The following PARP16 variants were observed in gnomAD, a reference collection of about 807,000 sequenced individuals.
PARP16 encodes the protein poly(ADP-ribose) polymerase family member 16, also known as protein mono-ADP-ribosyltransferase PARP16.
A neutral mutation model predicts 35.0 loss-of-function variants in PARP16; 31 were observed. That is an observed-to-expected ratio of 0.88 (90% confidence interval 0.66 to 1.19). The LOEUF is 1.19. Among genes scored for constraint, PARP16 ranks in the 50% most tolerant of loss-of-function variants. PARP16 has a pLI of 0.00. For missense variants in PARP16, 424 were observed against 411.2 expected (o/e 1.03, Z -0.27); for synonymous variants, 162 against 169.5 (o/e 0.96, Z 0.34).
intron 3 of PARP16, among the ~76,000 whole-genome samples, chr15:65,240,323 AGTGTGTGTGTGTGT>A (rs34811236): frequency 3.6e-3 from 460 of 126,126 alleles, no homozygotes; most frequent in Non-Finnish European, 5.1e-3. Context: ...GGGGGGGGCT[AGTGTGTGTGTGTGT>A]GTGTGTGTGT....
rs1175173491 is a variant in PARP16, at chr15:65,266,783, G to C, written c.313-15C>G. The C allele has an allele frequency of 6.3e-7, 1 of 1,598,398 alleles. No homozygotes were observed. Among genetic ancestry groups the C allele is most frequent in the African/African-American group, 1.3e-5 (1 of 74,560 alleles). On this transcript the variant is annotated splice_polypyrimidine_tract_variant and intron_variant, in intron 2 of 5. Transcript: ENST00000649807. ...ATCTTTTCAAACTTGAAAACATGAAGAGCATCAAAATTTTATTTGGGGAGC... is the reference window on the plus strand; with the variant it reads ...ATCTTTTCAAACTTGAAAACATGAACAGCATCAAAATTTTATTTGGGGAGC...
At chr15:65,260,621 G>A (rs1000170573) in intron 5 of PARP16, among the ~76,000 whole-genome samples, 6 of 152,120 alleles carry the variant, frequency 3.9e-5, no homozygotes, top group African/African-American at 1.4e-4. Flanking sequence ...CACTGTTTGC[G>A]GCAGCCAATT....
At chr15:65,239,452 A>AAAAAAAAAAAAAAAAAAAAAGAG (rs34910178) in intron 3 of PARP16, among the ~76,000 whole-genome samples, 1 of 113,038 alleles carries the variant, frequency 8.8e-6, no homozygotes, top group Non-Finnish European at 1.9e-5. Flanking sequence ...AAAAAAAAAA[A>AAAAAAAAAAAAAAAAAAAAAGAG]AGAGAGAAAA....
chr15:65,242,770 A>G (rs1363434221), intron 3 of PARP16, among the ~76,000 whole-genome samples: 1 of 152,112 alleles, frequency 6.6e-6, no homozygotes, highest in Non-Finnish European at 1.5e-5. Flanking sequence ...GCTGGAGTGC[A>G]GTGGCATGAT....
downstream of PARP16, among the ~76,000 whole-genome samples, chr15:65,257,620 ACT>A (rs2089555051): frequency 1.7e-5 from 2 of 120,758 alleles, no homozygotes; most frequent in Non-Finnish European, 3.4e-5. Context: ...ACAGAGCAAG[ACT>A]CTGTCTCAAA....
At chr15:65,278,672 T>C (rs1447360990) in intron 1 of PARP16, among the ~76,000 whole-genome samples, 1 of 152,088 alleles carries the variant, frequency 6.6e-6, no homozygotes, top group Non-Finnish European at 1.5e-5. Context: ...ATTACAGATG[T>C]GGGTACAAGT....
chr15:65,279,022 C>T (rs914593906), intron 1 of PARP16, among the ~76,000 whole-genome samples: 1 of 152,088 alleles, frequency 6.6e-6, no homozygotes, highest in African/African-American at 2.4e-5. Flanking sequence ...CCAGATTTGC[C>T]AAAACAGATT....
chr15:65,240,170 G>C (rs906748177), intron 3 of PARP16, among the ~76,000 whole-genome samples: 2 of 151,298 alleles, frequency 1.3e-5, no homozygotes, highest in Non-Finnish European at 2.9e-5. Context: ...TTGAGACAGA[G>C]TCTCGCTCTG....
In PARP16 at chr15:65,235,723, C is replaced by T. The variant is rs192561267; in HGVS notation, c.*98-900G>A. On this transcript the variant is annotated intron_variant and NMD_transcript_variant, in intron 3 of 3. Transcript: ENST00000559805. ...ACTCAGGAGGCTGAGGTGGGAGGAT[C>T]GCCTGAGCCTGGAGTCGAGGGGGCA... 1.8e-3 allele frequency among the ~76,000 whole-genome samples: 272 copies of T among 150,964 alleles called. 1 individual carries two copies. The highest frequency in any genetic ancestry group is 6.4e-3 in the African/African-American group (262 of 41,136).
Position 65,286,256 on chromosome 15 carries a change from G to C in PARP16, c.171C>G (p.Ala57=). 1.3e-6 allele frequency: 2 copies of C among 1,576,874 alleles called. No homozygotes were observed. The highest frequency in any genetic ancestry group is 1.7e-6 in the Non-Finnish European group (2 of 1,164,680). ...YARGDCKDFE[A]LLADASKLPN... ...CGCCAGGACAAAGCACACTCACCAG[G>C]GCTTCAAAGTCCTTACAGTCGCCGC... The change falls in exon 1 of 6, where the codon GCC becomes GCG. Residue 57 remains alanine, a synonymous_variant. Coordinates refer to ENST00000649807, the MANE Select transcript of PARP16 (RefSeq NM_001316943.2).
intron 3 of PARP16, among the ~76,000 whole-genome samples, chr15:65,263,996 ATAAAAAT>A (rs890767523): frequency 5.9e-5 from 9 of 152,206 alleles, no homozygotes; most frequent in Non-Finnish European, 1.2e-4. Flanking sequence ...AAATAAAAAC[ATAAAAAT>A]TAAAAATAAT....
downstream of PARP16, among the ~76,000 whole-genome samples, chr15:65,256,069 G>A (rs1046100960): frequency 3.9e-5 from 6 of 152,194 alleles, no homozygotes; most frequent in African/African-American, 1.4e-4. Flanking sequence ...TATAACCGTG[G>A]TTTCTCAGCA....
chr15:65,253,875 T>C (rs2089428661), downstream of PARP16, among the ~76,000 whole-genome samples: 1 of 152,132 alleles, frequency 6.6e-6, no homozygotes, highest in Non-Finnish European at 1.5e-5. Flanking sequence ...TGGAGTGCAG[T>C]GGCACGATCT....
At chr15:65,267,245 AAAT>A (rs2089926694) in intron 2 of PARP16, among the ~76,000 whole-genome samples, 1 of 151,894 alleles carries the variant, frequency 6.6e-6, no homozygotes, top group Non-Finnish European at 1.5e-5. Flanking sequence ...CCATTTAAAA[AAAT>A]AATAATAATA....
At chr15:65,250,711 C>T (rs1003616538) in intron 2 of PARP16, among the ~76,000 whole-genome samples, 3 of 152,186 alleles carry the variant, frequency 2.0e-5, no homozygotes, top group Non-Finnish European at 4.4e-5. Flanking sequence ...ACAGCCACAG[C>T]CCTGGTCAGA....
chr15:65,283,959 G>A (rs1367515005), intron 1 of PARP16, among the ~76,000 whole-genome samples: 3 of 152,138 alleles, frequency 2.0e-5, no homozygotes, highest in Non-Finnish European at 4.4e-5. Flanking sequence ...ACCCTGAAAC[G>A]CCTGTGCACT....
intron 5 of PARP16, among the ~76,000 whole-genome samples, chr15:65,259,967 G>A (rs1469164455): frequency 6.6e-6 from 1 of 152,186 alleles, no homozygotes; most frequent in Admixed American, 6.5e-5. Flanking sequence ...GGCCCACTAG[G>A]AGATGATCTA....
At chr15:65,255,935 G>A (rs986152128), downstream of PARP16, among the ~76,000 whole-genome samples, 2 of 152,058 alleles carry the variant, frequency 1.3e-5, no homozygotes, top group African/African-American at 2.4e-5. Flanking sequence ...CCTGGAAACT[G>A]CAAAAACTTC....
intron 3 of PARP16, among the ~76,000 whole-genome samples, chr15:65,244,407 G>A (rs988729479): frequency 1.3e-5 from 2 of 152,204 alleles, no homozygotes; most frequent in Non-Finnish European, 1.5e-5. Context: ...AATCATGGCG[G>A]AAGATGAAGG....
Sources: gnomAD v4.1 joint callset for allele counts (sites outside exome capture counted in the v4.1 genomes callset) on GRCh38, gnomAD v4.1.1 for gene constraint, MANE v1.5 for transcripts, NCBI Gene and HGNC (gene_info 2026-07-23, HGNC 2026-07-21) for gene names.